DNAJC15: variants seen among roughly 807,000 people sequenced by gnomAD.
DNAJC15 encodes DnaJ heat shock protein family (Hsp40) member C15.
In DNAJC15, 27 loss-of-function variants were observed where a neutral mutation model predicts 22.4. That is an observed-to-expected ratio of 1.20 (90% confidence interval 0.89 to 1.66). The LOEUF is 1.66. Ranked by LOEUF, DNAJC15 falls within the 40% of genes most tolerant of loss-of-function variation. The pLI, the probability that DNAJC15 is intolerant of heterozygous loss-of-function variation, is 0.00. For synonymous variants in DNAJC15, 79 were observed against 63.2 expected (o/e 1.25, Z -1.19); for missense variants, 208 against 187.1 (o/e 1.11, Z -0.65).
chr13:43,096,499 G>C lies in DNAJC15; in HGVS notation c.382+10661G>C, dbSNP rs190073620. Reference sequence around the variant, plus strand: ...ATAGTATTCAGAGGAAATTGAACAGGATCATGAGGTGTCTGGAAACAATGT... The same window carrying C: ...ATAGTATTCAGAGGAAATTGAACAGCATCATGAGGTGTCTGGAAACAATGT... On this transcript the variant is annotated intron_variant, in intron 5 of 5. Coordinates refer to ENST00000379221, the MANE Select transcript of DNAJC15 (RefSeq NM_013238.3). 2.0e-4 allele frequency among the ~76,000 whole-genome samples: 31 copies of C among 152,196 alleles called. No homozygotes were observed. The South Asian group carries it at 2.5e-3, about 12-fold the overall frequency.
chr13:43,056,942 TC>T (rs1315572645), intron 1 of DNAJC15, among the ~76,000 whole-genome samples: 1 of 152,210 alleles, frequency 6.6e-6, no homozygotes, highest in East Asian at 1.9e-4. Flanking sequence ...GGACCCAGAT[TC>T]CTTCTTGATC....
chr13:43,097,803 G>A (rs2040747322), intron 5 of DNAJC15, among the ~76,000 whole-genome samples: 2 of 152,116 alleles, frequency 1.3e-5, no homozygotes, highest in African/African-American at 4.8e-5. Context: ...CGGGCGTGGT[G>A]GCACATGCCT....
chr13:43,029,967 A>G (rs969135010), intron 1 of DNAJC15, among the ~76,000 whole-genome samples: 20 of 151,582 alleles, frequency 1.3e-4, no homozygotes, highest in Non-Finnish European at 2.4e-4. Flanking sequence ...ATGTTATAGA[A>G]TGATGAACGG....
chr13:43,068,867 T>A, intron 2 of DNAJC15, 63 bp from the exon 3 acceptor site: 1 of 1,378,500 alleles, frequency 7.3e-7, no homozygotes, highest in African/African-American at 1.4e-5. Flanking sequence ...GCAAGCACTT[T>A]GAAGGTGTTG....
intron 2 of DNAJC15, among the ~76,000 whole-genome samples, chr13:43,067,175 G>T (rs2040588107): frequency 6.6e-6 from 1 of 152,178 alleles, no homozygotes; most frequent in African/African-American, 2.4e-5. Flanking sequence ...ATAGAAAAAT[G>T]AGAAATAAGA....
At chr13:43,088,521 T>TG (rs1158451567) in intron 5 of DNAJC15, among the ~76,000 whole-genome samples, 1 of 152,218 alleles carries the variant, frequency 6.6e-6, no homozygotes, top group Non-Finnish European at 1.5e-5. Flanking sequence ...CTGCCTGCAG[T>TG]GGGGAGATTC....
chr13:43,052,089 C>A (rs999615542), intron 1 of DNAJC15, among the ~76,000 whole-genome samples: 6 of 151,840 alleles, frequency 4.0e-5, no homozygotes, highest in Non-Finnish European at 8.8e-5. Context: ...CTCAGCCTGC[C>A]GAGTAGCTGG....
chr13:43,025,243 G>C (rs2040375428), intron 1 of DNAJC15, among the ~76,000 whole-genome samples: 1 of 152,216 alleles, frequency 6.6e-6, no homozygotes, highest in South Asian at 2.1e-4. Context: ...AGCTGAACAA[G>C]ATCAGGCAGA....
In DNAJC15 at chr13:43,069,975, T is replaced by C. The variant is rs144883969; in HGVS notation, c.234+972T>C. On this transcript the variant is annotated intron_variant, in intron 3 of 5. Coordinates refer to ENST00000379221, the MANE Select transcript of DNAJC15 (RefSeq NM_013238.3). ...TGTCATTTTTTCCAAATTTATAATT[T>C]ATTGGAGGACAGAATGTCATGTTAA... is the stretch of plus-strand genomic sequence containing the variant. Among the ~76,000 whole-genome samples the C allele has an allele frequency of 6.8e-4, 104 of 152,336 alleles. 1 individual carries two copies. In the East Asian group the frequency reaches 0.017, roughly 25 times the overall value.
intron 1 of DNAJC15, among the ~76,000 whole-genome samples, chr13:43,039,523 A>C (rs971111129): frequency 6.6e-6 from 1 of 152,160 alleles, no homozygotes; most frequent in Non-Finnish European, 1.5e-5. Flanking sequence ...CAGGGGGTGG[A>C]GACACCAAGG....
chr13:43,045,769 GTC>G (rs559980978), intron 1 of DNAJC15, among the ~76,000 whole-genome samples: 130 of 152,182 alleles, frequency 8.5e-4, no homozygotes, highest in Non-Finnish European at 1.5e-3. Context: ...ATGTGAGAGG[GTC>G]TCTCTCTTCC....
At chr13:43,094,190 A>T (rs2040728711) in intron 5 of DNAJC15, among the ~76,000 whole-genome samples, 1 of 151,662 alleles carries the variant, frequency 6.6e-6, no homozygotes, top group African/African-American at 2.4e-5. Context: ...TTTACTTTGA[A>T]TTTTTTTTTC....
intron 1 of DNAJC15, among the ~76,000 whole-genome samples, chr13:43,059,468 G>A (rs963152466): frequency 1.3e-5 from 2 of 152,118 alleles, no homozygotes; most frequent in Non-Finnish European, 2.9e-5. Flanking sequence ...GGGTTCAAGC[G>A]ATTCTCCTGT....
intron 1 of DNAJC15, among the ~76,000 whole-genome samples, chr13:43,049,256 G>A (rs1566203915): frequency 6.6e-6 from 1 of 152,086 alleles, no homozygotes; most frequent in Non-Finnish European, 1.5e-5. Context: ...CTATTATATT[G>A]TCTTTTCAAT....
At chr13:43,065,006 A>G (rs1030394405) in intron 1 of DNAJC15, among the ~76,000 whole-genome samples, 13 of 151,780 alleles carry the variant, frequency 8.6e-5, no homozygotes, top group Middle Eastern at 3.2e-3. Context: ...ATTGAGGATT[A>G]CCATTGATCC....
At chr13:43,069,942 A>G (rs900970891) in intron 3 of DNAJC15, among the ~76,000 whole-genome samples, 1 of 152,094 alleles carries the variant, frequency 6.6e-6, no homozygotes, top group Non-Finnish European at 1.5e-5. Flanking sequence ...AAAACTTACC[A>G]GAAAGACTGT....
At chr13:43,061,252 A>G (rs1593318119) in intron 1 of DNAJC15, among the ~76,000 whole-genome samples, 1 of 152,288 alleles carries the variant, frequency 6.6e-6, no homozygotes, top group Middle Eastern at 3.4e-3. Flanking sequence ...GATAGGTGGA[A>G]GTTTCAGTGG....
intron 3 of DNAJC15, among the ~76,000 whole-genome samples, chr13:43,073,975 G>T (rs1212605292): frequency 1.3e-5 from 2 of 148,940 alleles, no homozygotes; most frequent in African/African-American, 4.9e-5. Context: ...TTTTTTTGAG[G>T]CTTTGAATTT....
rs1470106761 is a variant in DNAJC15 at position 43,110,340 on chromosome 13, C to A, written c.*3092C>A. On this transcript the variant is annotated 3_prime_UTR_variant, in exon 6 of 6. Transcript: ENST00000379221. ...CTGGGTCTGGAAACTGTCAGGGCAT[C>A]ACTTGTGCCATATTCAGTTGGCCTA... The A allele has an allele frequency of 6.6e-6, 1 of 152,204 alleles. No individual in the cohort carries two copies. The highest frequency in any genetic ancestry group is 1.9e-4 in the East Asian group (1 of 5,198). 9.4% of individuals were successfully genotyped at this position (152,204 alleles called of 1,614,324 possible).
Sources: gnomAD v4.1 joint callset for allele counts (sites outside exome capture counted in the v4.1 genomes callset) on GRCh38, gnomAD v4.1.1 for gene constraint, MANE v1.5 for transcripts, NCBI Gene and HGNC (gene_info 2026-07-23, HGNC 2026-07-21) for gene names.